The following IGSF21 variants were observed in gnomAD, a reference collection of about 807,000 sequenced individuals.
IGSF21 encodes immunoglobin superfamily member 21, also known as immunoglobulin superfamily member 21.
In IGSF21, 28 loss-of-function variants were observed where a neutral mutation model predicts 46.8. The observed-to-expected ratio is 0.60, with a 90% CI of 0.44 to 0.82. IGSF21 has a LOEUF of 0.82. Ranked by LOEUF, IGSF21 falls within the 40% of genes least tolerant of loss-of-function variation. The probability of loss-of-function intolerance (pLI) is 0.00; values close to 1 mark genes in which losing one functional copy is unlikely to be tolerated. For synonymous variants in IGSF21, 284 were observed against 273.6 expected (o/e 1.04, Z -0.38); for missense variants, 624 against 665.5 (o/e 0.94, Z 0.69).
intron 4 of IGSF21, among the ~76,000 whole-genome samples, chr1:18,351,306 G>T (rs1402224285): frequency 1.3e-5 from 2 of 151,976 alleles, no homozygotes; most frequent in African/African-American, 2.4e-5. Context: ...TCATTCTATG[G>T]GTGGGGGGGT....
At chr1:18,187,080 A>T (rs527365817) in intron 1 of IGSF21, among the ~76,000 whole-genome samples, 53 of 148,864 alleles carry the variant, frequency 3.6e-4, no homozygotes, top group Admixed American at 1.1e-3. Context: ...ACTATAGATT[A>T]TTTTTTTTTT....
intron 2 of IGSF21, among the ~76,000 whole-genome samples, chr1:18,274,303 G>A (rs2085079561): frequency 6.6e-6 from 1 of 152,220 alleles, no homozygotes; most frequent in African/African-American, 2.4e-5. Flanking sequence ...CTTAGCCTGG[G>A]CTCAAGAAGT....
intron 2 of IGSF21, among the ~76,000 whole-genome samples, chr1:18,264,882 T>C (rs1192846297): frequency 6.6e-6 from 1 of 152,172 alleles, no homozygotes; most frequent in Non-Finnish European, 1.5e-5. Flanking sequence ...AGACAGGGCC[T>C]GCTTTGCAGG....
intron 3 of IGSF21, among the ~76,000 whole-genome samples, chr1:18,324,155 G>C (rs2085633935): frequency 1.3e-5 from 2 of 152,220 alleles, no homozygotes; most frequent in Non-Finnish European, 2.9e-5. Flanking sequence ...CAGAGGAATG[G>C]CTGGAAGGTG....
At chr1:18,141,349 A>G (rs2086413852) in intron 1 of IGSF21, among the ~76,000 whole-genome samples, 1 of 152,232 alleles carries the variant, frequency 6.6e-6, no homozygotes, top group South Asian at 2.1e-4. Context: ...CCACCTGCCA[A>G]TGATGAAAAA....
rs952635215 is a variant in IGSF21, at chr1:18,170,239, G to A, written c.71-57659G>A. Among the ~76,000 whole-genome samples, 4 of 152,132 alleles carry A rather than the reference G, an allele frequency of 2.6e-5. No individual in the cohort carries two copies. In the South Asian group the frequency reaches 8.3e-4, roughly 32 times the overall value. On this transcript the variant is annotated intron_variant, in intron 1 of 9. Coordinates refer to ENST00000251296, the MANE Select transcript of IGSF21 (RefSeq NM_032880.5). ...GTGGCAGGGGCAGGGGAGGAAGTGA[G>A]GTCAGAAAGAGAGATTCTTGGGAAC...
At chr1:18,203,974 C>T (rs2087102091) in intron 1 of IGSF21, among the ~76,000 whole-genome samples, 1 of 152,218 alleles carries the variant, frequency 6.6e-6, no homozygotes, top group Non-Finnish European at 1.5e-5. Context: ...GGGGCCATCG[C>T]TTGCCGAGAG....
At chr1:18,283,281 G>C (rs1042106016) in intron 2 of IGSF21, among the ~76,000 whole-genome samples, 1 of 152,236 alleles carries the variant, frequency 6.6e-6, no homozygotes, top group Non-Finnish European at 1.5e-5. Flanking sequence ...ATTACCTTGA[G>C]CCCAGCCCTG....
chr1:18,248,529 GCAGA>G (rs1049057414), intron 2 of IGSF21, among the ~76,000 whole-genome samples: 10 of 151,858 alleles, frequency 6.6e-5, no homozygotes, highest in Non-Finnish European at 1.2e-4. Context: ...TGCTACCCAA[GCAGA>G]CAGACAGTCT....
At position 18,334,879 on chromosome 1, in the gene IGSF21, C is replaced by G; in HGVS notation, c.306-13C>G. The G allele has an allele frequency of 6.2e-7, 1 of 1,607,248 alleles. No homozygotes were observed. Among genetic ancestry groups the G allele is most frequent in the Non-Finnish European group, 8.5e-7 (1 of 1,173,914 alleles). On this transcript the variant is annotated splice_polypyrimidine_tract_variant and intron_variant, in intron 3 of 9. Coordinates refer to ENST00000251296, the MANE Select transcript of IGSF21 (RefSeq NM_032880.5). This position sits in a 1 kb window ranked among gnomAD's most constrained non-coding sequence, Gnocchi z 4.3. ...CGATGAAGGGCCCTCACCCTGTCTT[C>G]TGCCTCCCCCAGGCTGCCCGAGGTC...
intron 3 of IGSF21, among the ~76,000 whole-genome samples, chr1:18,317,382 C>T (rs1219755679): frequency 6.6e-6 from 1 of 152,198 alleles, no homozygotes; most frequent in East Asian, 1.9e-4. Flanking sequence ...TACCCAAGGT[C>T]ACGGTGTTTT....
intron 3 of IGSF21, among the ~76,000 whole-genome samples, chr1:18,310,607 G>T (rs1323072252): frequency 1.3e-5 from 2 of 152,202 alleles, no homozygotes; most frequent in Non-Finnish European, 2.9e-5. Flanking sequence ...AGGACGTGTG[G>T]GGTGCAGGGA....
At position 18,365,058 on chromosome 1, in the gene IGSF21, T is replaced by A. The variant is rs1282622504; in HGVS notation, c.541-165T>A. On this transcript the variant is annotated intron_variant, in intron 5 of 9. Transcript: ENST00000251296. The surrounding 1 kb of genome is among the most constrained non-coding windows in gnomAD (Gnocchi z 4.8). ...GTTCCCATTGTACCACACTGGCTCATAGTTCTTGGGGGTGTTGAAGGGAAA... is the reference window on the plus strand; with the variant it reads ...GTTCCCATTGTACCACACTGGCTCAAAGTTCTTGGGGGTGTTGAAGGGAAA... Among the ~76,000 whole-genome samples, 3 of 152,148 alleles carry A rather than the reference T, an allele frequency of 2.0e-5. No individual in the cohort carries two copies. The highest frequency in any genetic ancestry group is 7.2e-5 in the African/African-American group (3 of 41,426).
rs116539334 is a variant in IGSF21 at position 18,277,233 on chromosome 1, G to A, written c.184-14633G>A. On this transcript the variant is annotated intron_variant, in intron 2 of 9. Coordinates refer to ENST00000251296, the MANE Select transcript of IGSF21 (RefSeq NM_032880.5). ...CAGCTCCTGCCTCTTGTCTCAGGCCGATCACTCCATCACTCTGGCCTCGGT... is the reference window on the plus strand; with the variant it reads ...CAGCTCCTGCCTCTTGTCTCAGGCCAATCACTCCATCACTCTGGCCTCGGT... 2.4e-3 allele frequency among the ~76,000 whole-genome samples: 363 copies of A among 152,320 alleles called. 1 individual carries two copies. Among genetic ancestry groups the A allele is most frequent in the African/African-American group, 7.2e-3 (301 of 41,564 alleles).
chr1:18,178,226 C>T (rs2086822401), intron 1 of IGSF21, among the ~76,000 whole-genome samples: 1 of 152,158 alleles, frequency 6.6e-6, no homozygotes, highest in East Asian at 1.9e-4. Context: ...ATGCATACAG[C>T]CAGGTCTTGC....
chr1:18,152,267 T>C (rs2086527754), intron 1 of IGSF21, among the ~76,000 whole-genome samples: 1 of 152,212 alleles, frequency 6.6e-6, no homozygotes, highest in Non-Finnish European at 1.5e-5. Flanking sequence ...GTCCAAGGAC[T>C]CCAGAAGGTC....
chr1:18,189,168 G>A (rs1002880502), intron 1 of IGSF21, among the ~76,000 whole-genome samples: 1 of 152,248 alleles, frequency 6.6e-6, no homozygotes, highest in African/African-American at 2.4e-5. Context: ...AGCAGATCCA[G>A]ACCTTGAAGC....
intron 1 of IGSF21, among the ~76,000 whole-genome samples, chr1:18,204,295 G>A (rs1385566608): frequency 6.6e-6 from 1 of 152,186 alleles, no homozygotes; most frequent in Non-Finnish European, 1.5e-5. Flanking sequence ...GGCAGAGCTG[G>A]GATTTGAACA....
At chr1:18,225,077 T>TCA (rs1343372372) in intron 1 of IGSF21, among the ~76,000 whole-genome samples, 41 of 38,816 alleles carry the variant, frequency 1.1e-3, no homozygotes, top group African/African-American at 1.8e-3. Context: ...TCTCTCTCTC[T>TCA]CTCTCTCTCA....
Sources: allele counts gnomAD v4.1 joint callset (sites outside exome capture counted in the v4.1 genomes callset), GRCh38; gene constraint gnomAD v4.1.1; non-coding constraint Gnocchi (gnomAD v3.1); transcripts MANE v1.5; gene names NCBI Gene and HGNC (gene_info 2026-07-23, HGNC 2026-07-21).